SEPTIN6: variants seen among roughly 807,000 people sequenced by gnomAD.
SEPTIN6 encodes the protein septin-6.
SEPTIN6 carries 8 observed loss-of-function variants against 33.6 expected under a neutral mutation model. The ratio of observed to expected loss-of-function variants is 0.24; its 90% CI spans 0.14 to 0.43. SEPTIN6 has a LOEUF of 0.43. Ranked by LOEUF, SEPTIN6 falls within the 20% of genes least tolerant of loss-of-function variation. SEPTIN6 has a pLI of 1.00. For missense variants in SEPTIN6, 250 were observed against 340.8 expected, an observed-to-expected ratio of 0.73 and a Z score of 2.10; for synonymous variants, 131 against 140.0, an observed-to-expected ratio of 0.94 and a Z score of 0.45.
chrX:119,661,579 C>A (rs2054547724), intron 3 of SEPTIN6, among the ~76,000 whole-genome samples: 1 of 111,872 alleles, frequency 8.9e-6, no homozygotes, highest in Non-Finnish European at 1.9e-5. Flanking sequence ...AATGAGAAGA[C>A]CCTCTGCTTA....
chrX:119,677,802 G>A (rs993356676), intron 1 of SEPTIN6, among the ~76,000 whole-genome samples: 1 of 112,644 alleles, frequency 8.9e-6, no homozygotes, highest in Non-Finnish European at 1.9e-5. Context: ...CAGGGCTAGT[G>A]CCGGTGAATG....
intron 3 of SEPTIN6, among the ~76,000 whole-genome samples, chrX:119,655,209 C>A (rs533091664): frequency 3.6e-5 from 4 of 110,812 alleles, no homozygotes; most frequent in African/African-American, 1.3e-4. Context: ...ATCAGACCAG[C>A]CAAACCAGCC....
chrX:119,636,924 G>A (rs777221214), intron 7 of SEPTIN6, 103 bp downstream of exon 7: 17 of 979,569 alleles, frequency 1.7e-5, no homozygotes, highest in South Asian at 2.3e-5. Flanking sequence ...CTTAGCACCC[G>A]TGTCTCGCCT....
intron 5 of SEPTIN6, among the ~76,000 whole-genome samples, chrX:119,643,702 C>T (rs1452670277): frequency 9.0e-6 from 1 of 111,422 alleles, no homozygotes; most frequent in Non-Finnish European, 1.9e-5. Context: ...AAGATCCATT[C>T]GTGAGCTGAG....
Position 119,645,808 on chromosome X carries a change from G to A in SEPTIN6, c.690+4129C>T, listed in dbSNP as rs772250096. On this transcript the variant is annotated intron_variant, in intron 5 of 10. Coordinates refer to ENST00000394610, the MANE Select transcript of SEPTIN6 (RefSeq NM_145799.4). ...GCCTCCCAAAGTGCTGGGATTACACGTGTGAGCCACTGCACCCAGCCCCGA... is the reference window on the plus strand; with the variant it reads ...GCCTCCCAAAGTGCTGGGATTACACATGTGAGCCACTGCACCCAGCCCCGA... 2.2e-4 allele frequency among the ~76,000 whole-genome samples: 24 copies of A among 111,622 alleles called. 1 individual carries two copies. The highest frequency in any genetic ancestry group is 7.5e-4 in the African/African-American group (23 of 30,700).
At chrX:119,651,234 C>T (rs1281047424) in intron 4 of SEPTIN6, among the ~76,000 whole-genome samples, 2 of 111,841 alleles carry the variant, frequency 1.8e-5, no homozygotes, top group Non-Finnish European at 3.8e-5. Flanking sequence ...ATCACACAGC[C>T]GCTGGGTCAA....
chrX:119,664,840 CAAAA>C (rs1199498493), intron 2 of SEPTIN6, among the ~76,000 whole-genome samples: 34 of 35,847 alleles, frequency 9.5e-4, no homozygotes, highest in Non-Finnish European at 1.8e-3. Context: ...GACTCCATCT[CAAAA>C]AAAAAAAAAA....
Position 119,643,525 on chromosome X carries a change from C to T in SEPTIN6, c.691-2737G>A, listed in dbSNP as rs143651253. 3.1e-3 allele frequency among the ~76,000 whole-genome samples: 348 copies of T among 110,602 alleles called. 4 individuals are homozygous for T. The highest frequency in any genetic ancestry group is 0.011 in the African/African-American group (336 of 30,097). On this transcript the variant is annotated intron_variant, in intron 5 of 10. Transcript: ENST00000394610. Reference sequence around the variant, plus strand: ...GACTTGCTTCCCCCTCTTTCTCAAACTGCTGTCATTTTATTCTTCTAGCTC... The same window carrying T: ...GACTTGCTTCCCCCTCTTTCTCAAATTGCTGTCATTTTATTCTTCTAGCTC...
chrX:119,617,605 A>T lies in SEPTIN6; in HGVS notation c.*2488T>A. On this transcript the variant is annotated 3_prime_UTR_variant, in exon 11 of 11. Coordinates refer to ENST00000394610, the MANE Select transcript of SEPTIN6 (RefSeq NM_145799.4). ...CCTCGAGGGTCTTCTAATACTAACT[A>T]GTCAGTTACTCTGAACATCAAAAGA... 1.2e-6 allele frequency: 1 copy of T among 801,380 alleles called. No homozygotes were observed. Among genetic ancestry groups the T allele is most frequent in the Non-Finnish European group, 1.5e-6 (1 of 667,447 alleles). 66.0% of individuals were successfully genotyped at this position (801,380 alleles called of 1,213,427 possible).
At chrX:119,666,543 G>C (rs1353618338) in intron 2 of SEPTIN6, among the ~76,000 whole-genome samples, 1 of 111,673 alleles carries the variant, frequency 9.0e-6, no homozygotes, top group African/African-American at 3.3e-5. Context: ...AGATAAGAGA[G>C]AGGAGGGAGA....
intron 5 of SEPTIN6, among the ~76,000 whole-genome samples, chrX:119,648,896 T>C (rs756356938): frequency 3.2e-4 from 36 of 111,736 alleles, no homozygotes; most frequent in African/African-American, 1.1e-3. Flanking sequence ...AAGCGGAGGC[T>C]TTCTGAAAGC....
intron 6 of SEPTIN6, among the ~76,000 whole-genome samples, chrX:119,638,074 G>C (rs1396790200): frequency 2.7e-5 from 3 of 111,818 alleles, no homozygotes; most frequent in Non-Finnish European, 5.6e-5. Flanking sequence ...GGCAATGTAG[G>C]GGAGGTGACA....
At chrX:119,680,339 G>C (rs936510199) in intron 1 of SEPTIN6, among the ~76,000 whole-genome samples, 63 of 108,873 alleles carry the variant, frequency 5.8e-4, no homozygotes, top group African/African-American at 1.9e-3. Context: ...CTCCGGAGTA[G>C]CTGGGACTAC....
intron 9 of SEPTIN6, among the ~76,000 whole-genome samples, chrX:119,627,674 T>G (rs759230786): frequency 8.4e-4 from 91 of 108,250 alleles, no homozygotes; most frequent in South Asian, 3.6e-3. Flanking sequence ...AGGGTGAGGG[T>G]GGGACTACGG....
intron 10 of SEPTIN6, among the ~76,000 whole-genome samples, chrX:119,620,467 C>T (rs780381765): frequency 2.7e-4 from 29 of 108,060 alleles, no homozygotes; most frequent in African/African-American, 7.4e-4. Flanking sequence ...TACAGGAGCC[C>T]GCCGCCACAC....
intron 3 of SEPTIN6, among the ~76,000 whole-genome samples, chrX:119,658,946 T>C (rs1304300542): frequency 8.9e-6 from 1 of 112,423 alleles, no homozygotes. Flanking sequence ...TACTTTTGTT[T>C]ATGGTATCTT....
intron 1 of SEPTIN6, among the ~76,000 whole-genome samples, chrX:119,692,499 G>T (rs2055192129): frequency 9.0e-6 from 1 of 111,171 alleles, no homozygotes; most frequent in African/African-American, 3.3e-5. Flanking sequence ...ACGAGCGCGC[G>T]CGCGTGCACA....
In SEPTIN6 at chrX:119,619,652, G is replaced by A; in HGVS notation, c.*441C>T. 1.1e-6 allele frequency: 1 copy of A among 882,363 alleles called. No individual in the cohort carries two copies. Among genetic ancestry groups the A allele is most frequent in the Non-Finnish European group, 1.4e-6 (1 of 720,315 alleles). 72.7% of individuals were successfully genotyped at this position (882,363 alleles called of 1,213,427 possible). On this transcript the variant is annotated 3_prime_UTR_variant, in exon 11 of 11. Transcript: ENST00000394610. The stretch of plus-strand genomic sequence containing the variant: ...GATACAGGAGACCAAGGGGACAGCT[G>A]TGCTGATCGGTGGTTACCCAGCCAT...
chrX:119,683,050 C>G (rs1031365173), intron 1 of SEPTIN6, among the ~76,000 whole-genome samples: 1 of 111,381 alleles, frequency 9.0e-6, no homozygotes, highest in Non-Finnish European at 1.9e-5. Context: ...GCCAGGAATT[C>G]GAAACCAGCC....
Sources: allele counts gnomAD v4.1 joint callset (sites outside exome capture counted in the v4.1 genomes callset), GRCh38; gene constraint gnomAD v4.1.1; transcripts MANE v1.5; gene names NCBI Gene and HGNC (gene_info 2026-07-23, HGNC 2026-07-21).